Variants in SQOR observed in about 807,000 individuals in gnomAD.
The protein encoded by SQOR is sulfide:quinone oxidoreductase, mitochondrial.
SQOR carries 39 observed loss-of-function variants against 48.6 expected under a neutral mutation model. The ratio of observed to expected loss-of-function variants is 0.80; its 90% CI spans 0.62 to 1.05. SQOR has a LOEUF of 1.05. SQOR is among the 50% of genes least tolerant of loss of function. The pLI is 0.00. For synonymous variants in SQOR, 220 were observed against 206.2 expected, an observed-to-expected ratio of 1.07 and a Z score of -0.57; for missense variants, 561 against 559.9, an observed-to-expected ratio of 1.00 and a Z score of -0.02.
At chr15:45,666,323 A>G (rs1175026860) in intron 3 of SQOR, among the ~76,000 whole-genome samples, 1 of 152,168 alleles carries the variant, frequency 6.6e-6, no homozygotes, top group Admixed American at 6.5e-5. Flanking sequence ...GGTAATGCCT[A>G]TCTCACTCAC....
intron 1 of SQOR, among the ~76,000 whole-genome samples, chr15:45,654,129 A>AAG: frequency 6.6e-6 from 1 of 151,332 alleles, no homozygotes; most frequent in African/African-American, 2.4e-5. Flanking sequence ...AAAAAAAAAA[A>AAG]AAAAAGTGGC....
intron 9 of SQOR, among the ~76,000 whole-genome samples, chr15:45,690,548 C>T (rs965106759): frequency 6.6e-6 from 1 of 152,178 alleles, no homozygotes; most frequent in African/African-American, 2.4e-5. Context: ...AGGGGTGCTA[C>T]TTGCATTTAG....
chr15:45,683,893 TTTGTTTGTTTG>T (rs1890172809), intron 7 of SQOR, among the ~76,000 whole-genome samples: 1 of 62,388 alleles, frequency 1.6e-5, no homozygotes, highest in African/African-American at 3.6e-5. Context: ...TATATATATT[TTTGTTTGTTTG>T]TTTGTTTGTT....
At chr15:45,656,008 A>G (rs1485391770) in intron 1 of SQOR, among the ~76,000 whole-genome samples, 2 of 150,218 alleles carry the variant, frequency 1.3e-5, no homozygotes, top group African/African-American at 4.9e-5. Context: ...TTCCCCGTTT[A>G]ACATTATCAC....
upstream of SQOR, among the ~76,000 whole-genome samples, chr15:45,634,535 G>C (rs1464127302): frequency 6.6e-6 from 1 of 152,052 alleles, no homozygotes; most frequent in Non-Finnish European, 1.5e-5. Context: ...AAGGGCTCCA[G>C]CGCACACCAA....
At chr15:45,634,052 T>C (rs1411383779), upstream of SQOR, among the ~76,000 whole-genome samples, 1 of 151,164 alleles carries the variant, frequency 6.6e-6, no homozygotes, top group East Asian at 2.0e-4. Context: ...GGCACACACC[T>C]GTAGTCCCAG....
Position 45,682,589 on chromosome 15 carries a change from A to T in SQOR, c.976A>T (p.Arg326Trp). Reference protein sequence around the residue: ...VDVDKETLQHRRYPNVFGIGD... With the variant: ...VDVDKETLQHWRYPNVFGIGD... ...TGTGGATAAAGAAACTCTGCAACAC[A>T]GGAGGTACCCAAATGTGTTTGGGAT... Residue 326 changes from arginine to tryptophan, a missense_variant, in exon 7 of 10, where the codon AGG (arginine) becomes TGG (tryptophan). Coordinates refer to ENST00000260324, the MANE Select transcript of SQOR (RefSeq NM_021199.4). The T allele has an allele frequency of 6.2e-7, 1 of 1,614,198 alleles. No homozygotes were observed. The highest frequency in any genetic ancestry group is 8.5e-7 in the Non-Finnish European group (1 of 1,180,014).
intron 7 of SQOR, among the ~76,000 whole-genome samples, chr15:45,682,986 C>T (rs1028901047): frequency 6.7e-6 from 1 of 149,444 alleles, no homozygotes; most frequent in Non-Finnish European, 1.5e-5. Flanking sequence ...AAGATCGCAC[C>T]ACTCCTTTCC....
intron 1 of SQOR, 150 bp from the exon 2 acceptor site, chr15:45,658,757 C>G: frequency 1.7e-6 from 1 of 585,910 alleles, no homozygotes; most frequent in Non-Finnish European, 2.9e-6. Context: ...GACCTTGGGA[C>G]CACAGCCAGT....
At chr15:45,684,806 A>T (rs571180663) in intron 7 of SQOR, among the ~76,000 whole-genome samples, 1 of 152,214 alleles carries the variant, frequency 6.6e-6, no homozygotes, top group Non-Finnish European at 1.5e-5. Context: ...TTCCAGATAG[A>T]TAAGACTGAA....
intron 1 of SQOR, among the ~76,000 whole-genome samples, chr15:45,652,477 T>C (rs1452128668): frequency 6.6e-6 from 1 of 152,010 alleles, no homozygotes; most frequent in Non-Finnish European, 1.5e-5. Flanking sequence ...TGGGATTACA[T>C]GCACGGGGTA....
chr15:45,659,345 A>C (rs1296150380), intron 2 of SQOR, among the ~76,000 whole-genome samples, 188 bp downstream of exon 2: 1 of 151,692 alleles, frequency 6.6e-6, no homozygotes, highest in African/African-American at 2.4e-5. Context: ...AGGGAAAGAG[A>C]GAGGGAGAAC....
At chr15:45,674,942 T>A (rs536745510) in intron 5 of SQOR, among the ~76,000 whole-genome samples, 1 of 152,304 alleles carries the variant, frequency 6.6e-6, no homozygotes, top group African/African-American at 2.4e-5. Context: ...AGTGGTTGAA[T>A]GTGCTCATGG....
At chr15:45,671,873 G>A (rs1889951706) in intron 4 of SQOR, among the ~76,000 whole-genome samples, 2 of 152,110 alleles carry the variant, frequency 1.3e-5, no homozygotes, top group Admixed American at 1.3e-4. Context: ...GCCTGTTGCT[G>A]GAAGCCAAAG....
intron 1 of SQOR, among the ~76,000 whole-genome samples, chr15:45,642,815 C>A (rs1416556473): frequency 1.3e-5 from 2 of 152,096 alleles, no homozygotes; most frequent in Non-Finnish European, 2.9e-5. Context: ...GAAGCCTTTC[C>A]CACGTCTTCC....
At chr15:45,655,912 C>G (rs933711839) in intron 1 of SQOR, among the ~76,000 whole-genome samples, 4 of 151,914 alleles carry the variant, frequency 2.6e-5, no homozygotes, top group East Asian at 3.9e-4. Flanking sequence ...GTCTCGATCT[C>G]CTGACCTTGT....
At chr15:45,637,677 G>T (rs1345870177) in intron 1 of SQOR, among the ~76,000 whole-genome samples, 1 of 152,142 alleles carries the variant, frequency 6.6e-6, no homozygotes, top group Non-Finnish European at 1.5e-5. Context: ...CTGTGTGGCT[G>T]GTGTTCTGCC....
intron 1 of SQOR, chr15:45,646,010 T>C (rs1895198728): frequency 6.6e-6 from 1 of 152,202 alleles, no homozygotes; most frequent in African/African-American, 2.4e-5. Context: ...AGGATACAGG[T>C]ATTTGTTGTG....
In SQOR at chr15:45,659,024, C is replaced by T. The variant is rs1424896061; in HGVS notation, c.101C>T (p.Thr34Ile). Residue 34 changes from threonine to isoleucine, a missense_variant, in exon 2 of 10, where the codon ACC (threonine) becomes ATC (isoleucine). Physicochemically the swap from Thr to Ile is moderately conservative, Grantham distance 89 (BLOSUM62 -1). Transcript: ENST00000260324. ...CAGGTCGGCCCCCTTCAGCTGCACA[C>T]CGGGGCCAGCCATGCGGCCAGGAAC... ...TQQVGPLQLHTGASHAARNHY... is the reference protein window; with the variant it reads ...TQQVGPLQLHIGASHAARNHY... 21 of 1,602,004 alleles carry T rather than the reference C, an allele frequency of 1.3e-5. No individual in the cohort carries two copies. The Admixed American group carries it at 3.6e-4, about 28-fold the overall frequency.
Sources: gnomAD v4.1 joint callset for allele counts (sites outside exome capture counted in the v4.1 genomes callset) on GRCh38, gnomAD v4.1.1 for gene constraint, MANE v1.5 for transcripts, NCBI Gene and HGNC (gene_info 2026-07-23, HGNC 2026-07-21) for gene names.